KDM5D: variants seen among roughly 807,000 people sequenced by gnomAD.
KDM5D encodes lysine-specific demethylase 5D.
Under a neutral mutation model 31.9 loss-of-function variants are expected in KDM5D, and 25 were observed. That is an observed-to-expected ratio of 0.78 (90% CI 0.57 to 1.09). KDM5D has a LOEUF of 1.09. Among genes scored for constraint, KDM5D ranks in the 50% least tolerant of loss-of-function variants. The probability of loss-of-function intolerance (pLI) is 0.00; values close to 1 mark genes in which losing one functional copy is unlikely to be tolerated. For synonymous variants in KDM5D, 146 were observed against 122.3 expected (o/e 1.19, Z -1.28); for missense variants, 366 against 341.6 (o/e 1.07, Z -0.56).
chrY:19,718,986 C>T, intron 13 of KDM5D, among the ~76,000 whole-genome samples: 6 of 31,257 alleles, frequency 1.9e-4, no homozygotes, highest in Non-Finnish European at 3.9e-4. Flanking sequence ...CCGGCTAAAA[C>T]GGTGAAACCC....
At chrY:19,722,722 TAAAGAA>T (rs2045403011) in intron 11 of KDM5D, among the ~76,000 whole-genome samples, 1 of 29,932 alleles carries the variant, frequency 3.3e-5, no homozygotes, top group African/African-American at 1.3e-4. Flanking sequence ...GAGCAAAAGA[TAAAGAA>T]AATGAAATAC....
intron 3 of KDM5D, among the ~76,000 whole-genome samples, chrY:19,742,557 G>A: frequency 2.9e-5 from 1 of 34,422 alleles, no homozygotes; most frequent in Non-Finnish European, 7.3e-5. Context: ...GGGTGCAGGG[G>A]CTTACGCCGG....
At chrY:19,729,241 A>G (rs2045456606) in intron 11 of KDM5D, among the ~76,000 whole-genome samples, 1 of 33,409 alleles carries the variant, frequency 3.0e-5, no homozygotes. Flanking sequence ...ATAAAATGAA[A>G]TAAAATAAAA....
chrY:19,728,228 A>C (rs2045447509), intron 11 of KDM5D, among the ~76,000 whole-genome samples: 1 of 34,118 alleles, frequency 2.9e-5, no homozygotes, highest in African/African-American at 1.1e-4. Context: ...TTCAGAATTG[A>C]CTTGTCAAAA....
chrY:19,707,261 C>T lies in KDM5D; in HGVS notation c.3885G>A (p.Leu1295=). The change falls in exon 24 of 27, where the codon CTG becomes CTA. Residue 1295 remains leucine (L), a synonymous_variant. Coordinates refer to ENST00000317961, the MANE Select transcript of KDM5D (RefSeq NM_004653.5). ...CCTGTAGCTGTTGGCGAAGCTCAGC[C>T]AGCTGTCGCAACAGAGCAGTCACAT... ...SEDVTALLRQ[L]AELRQQLQAK... 2.5e-6 allele frequency: 1 copy of T among 394,874 alleles called. No individual in the cohort carries two copies. The highest frequency in any genetic ancestry group is 7.6e-5 in the Admixed American group (1 of 13,143).
intron 18 of KDM5D, among the ~76,000 whole-genome samples, chrY:19,712,645 T>A (rs2045306744): frequency 2.9e-5 from 1 of 34,590 alleles, no homozygotes; most frequent in Non-Finnish European, 7.3e-5. Context: ...TCTTAACAGA[T>A]CCCTTTCTAC....
At chrY:19,711,709 A>T in intron 18 of KDM5D, among the ~76,000 whole-genome samples, 1 of 32,595 alleles carries the variant, frequency 3.1e-5, no homozygotes, top group African/African-American at 1.2e-4. Flanking sequence ...ATTTGAAATA[A>T]TGTGTCTCTA....
At chrY:19,712,641 C>G (rs892589557) in intron 18 of KDM5D, among the ~76,000 whole-genome samples, 1 of 34,613 alleles carries the variant, frequency 2.9e-5, no homozygotes, top group Non-Finnish European at 7.3e-5. Flanking sequence ...GTTATCTTAA[C>G]AGATCCCTTT....
At chrY:19,713,117 T>C in intron 18 of KDM5D, among the ~76,000 whole-genome samples, 2 of 33,601 alleles carry the variant, frequency 6.0e-5, no homozygotes, top group African/African-American at 1.2e-4. Flanking sequence ...GGCTGAGCCA[T>C]ATGCAGAAAA....
chrY:19,733,632 G>C, intron 8 of KDM5D, among the ~76,000 whole-genome samples: 1 of 30,742 alleles, frequency 3.3e-5, no homozygotes, highest in East Asian at 8.4e-4. Flanking sequence ...AGCACTTTGA[G>C]AGGCCAAGGT....
chrY:19,741,890 A>G (rs2045556101), intron 3 of KDM5D, 33 bp from the exon 4 acceptor site: 1 of 357,009 alleles, frequency 2.8e-6, no homozygotes, highest in Non-Finnish European at 3.9e-6. Context: ...AGATTGGCAT[A>G]CTCCTTAACC....
intron 18 of KDM5D, among the ~76,000 whole-genome samples, chrY:19,713,215 G>A (rs2045310977): frequency 3.0e-5 from 1 of 33,694 alleles, no homozygotes; most frequent in Admixed American, 2.7e-4. Flanking sequence ...AACCATAAAT[G>A]CCCTGGAAGA....
intron 21 of KDM5D, 62 bp from the exon 22 acceptor site, chrY:19,708,485 CTAAG>C (rs2045267583): frequency 4.4e-6 from 1 of 226,087 alleles, no homozygotes; most frequent in Non-Finnish European, 7.0e-6. Context: ...TAAATTTGTC[CTAAG>C]TAATACTGGG....
At position 19,708,310 on chromosome Y, in the gene KDM5D, T is replaced by C; in HGVS notation, c.3195A>G (p.Ala1065=). Residue 1065 remains alanine (A), a synonymous_variant, in exon 22 of 27, where the codon GCA becomes GCG. Coordinates refer to ENST00000317961, the MANE Select transcript of KDM5D (RefSeq NM_004653.5). ...TGGAGGCCTTCTCTCTCCAGGAATG[T>C]GCTGTCAATACCTGCAGCTCTAGCT... ...LRQLELQVLT[A]HSWREKASKT... 2.5e-6 allele frequency: 1 copy of C among 394,587 alleles called. No homozygotes were observed. The highest frequency in any genetic ancestry group is 3.6e-6 in the Non-Finnish European group (1 of 281,429).
In KDM5D at chrY:19,735,608, T is replaced by G; in HGVS notation, c.787+13A>C. 2.5e-6 allele frequency: 1 copy of G among 397,681 alleles called. No homozygotes were observed. On this transcript the variant is annotated intron_variant, in intron 7 of 26. Coordinates refer to ENST00000317961, the MANE Select transcript of KDM5D (RefSeq NM_004653.5). Reference sequence around the variant, plus strand: ...TACCCCTCACACTTCCCCAATCTGTTAAAGTTCCTCACCTTTCTTATGCAC... The same window carrying G: ...TACCCCTCACACTTCCCCAATCTGTGAAAGTTCCTCACCTTTCTTATGCAC...
chrY:19,741,883 T>C (rs748974943), intron 3 of KDM5D, 26 bp from the exon 4 acceptor site: 4 of 371,604 alleles, frequency 1.1e-5, no homozygotes, highest in East Asian at 9.4e-5. Context: ...CCTTATAAGA[T>C]TGGCATACTC....
rs1289798956 is a variant in KDM5D, at chrY:19,707,516, T to C, written c.3630A>G (p.Pro1210=). The change falls in exon 24 of 27, where the codon CCA becomes CCG. Residue 1210 remains proline, a synonymous_variant. Transcript: ENST00000317961. ...CVSVPHLLTS[P]KPSLTSSPLL... Reference sequence around the variant, plus strand: ...GTGGAGATGAAGTGAGACTGGGCTTTGGAGAGGTGAGGAGATGGGGCACTG... The same window carrying C: ...GTGGAGATGAAGTGAGACTGGGCTTCGGAGAGGTGAGGAGATGGGGCACTG... The C allele has an allele frequency of 7.6e-6, 3 of 393,702 alleles. No individual in the cohort carries two copies. The Admixed American group carries it at 2.3e-4, about 30-fold the overall frequency.
rs768481960 is a variant in KDM5D at position 19,708,007 on chromosome Y, G to A, written c.3326C>T (p.Ala1109Val). 2.0e-5 allele frequency: 8 copies of A among 394,168 alleles called. No homozygotes were observed. Among genetic ancestry groups the A allele is most frequent in the East Asian group, 1.9e-4 (2 of 10,671 alleles). Residue 1109 changes from alanine (A) to valine (V), a missense_variant, in exon 23 of 27, where the codon GCG becomes GTG. Physicochemically the swap from Ala to Val is moderately conservative, Grantham distance 64 (BLOSUM62 0). Transcript: ENST00000317961. Reference protein sequence around the residue: ...STKRSRWMEKALGLYQCDTEL... With the variant: ...STKRSRWMEKVLGLYQCDTEL... ...TGTGTCACACTGGTACAACCCCAGC[G>A]CCTTCTCCATCCACCGGCTACGCTT...
In KDM5D at chrY:19,708,020, A is replaced by G; in HGVS notation, c.3313T>C (p.Trp1105Arg). 7.6e-6 allele frequency: 3 copies of G among 393,907 alleles called. No individual in the cohort carries two copies. The highest frequency in any genetic ancestry group is 1.1e-5 in the Non-Finnish European group (3 of 281,212). The change falls in exon 23 of 27, where the codon TGG becomes CGG. Residue 1105 changes from tryptophan to arginine, a missense_variant. Trp to Arg is a moderately radical substitution (Grantham distance 101). Coordinates refer to ENST00000317961, the MANE Select transcript of KDM5D (RefSeq NM_004653.5). ...TACAACCCCAGCGCCTTCTCCATCC[A>G]CCGGCTACGCTTGGTGCTGTCTGAG... ...AGSDSTKRSR[W>R]MEKALGLYQC...
Sources: allele counts gnomAD v4.1 joint callset (sites outside exome capture counted in the v4.1 genomes callset), GRCh38; gene constraint gnomAD v4.1.1; transcripts MANE v1.5; gene names NCBI Gene and HGNC (gene_info 2026-07-23, HGNC 2026-07-21).